The following COL4A3 variants were observed in gnomAD, a reference collection of about 807,000 sequenced individuals.
COL4A3 encodes collagen type IV alpha 3 chain.
A neutral mutation model predicts 217.4 loss-of-function variants in COL4A3; 135 were observed. That is an observed-to-expected ratio of 0.62 (90% CI 0.54 to 0.72). The LOEUF (loss-of-function observed/expected upper bound fraction) is 0.72, where lower values mean the gene tolerates loss of function less well. Ranked by LOEUF, COL4A3 falls within the 30% of genes least tolerant of loss-of-function variation. The pLI, the probability that COL4A3 is intolerant of heterozygous loss-of-function variation, is 0.00. For synonymous variants in COL4A3, 690 were observed against 736.3 expected (o/e 0.94, Z 1.02); for missense variants, 1,868 against 2,119.9 (o/e 0.88, Z 2.33).
At chr2:227,173,691 AAT>A (rs1279261235) in intron 1 of COL4A3, among the ~76,000 whole-genome samples, 1 of 152,230 alleles carries the variant, frequency 6.6e-6, no homozygotes, top group African/African-American at 2.4e-5. Context: ...CACATTAAAA[AAT>A]AGAGATGGAT....
intron 1 of COL4A3, among the ~76,000 whole-genome samples, chr2:227,188,137 C>T (rs554746241): frequency 2.0e-5 from 3 of 152,180 alleles, no homozygotes; most frequent in African/African-American, 7.2e-5. Context: ...GATTGTTCTA[C>T]TCCAGTAGAA....
chr2:227,276,615 C>T, intron 27 of COL4A3, 138 bp downstream of exon 27: 1 of 721,630 alleles, frequency 1.4e-6, no homozygotes, highest in South Asian at 1.5e-5. Flanking sequence ...CAGTGTCTTA[C>T]CTGATAAGCA....
intron 18 of COL4A3, among the ~76,000 whole-genome samples, chr2:227,258,732 A>C (rs566387580): frequency 6.4e-4 from 97 of 152,296 alleles, no homozygotes; most frequent in African/African-American, 2.2e-3. Context: ...TAACACCTGA[A>C]TTTTGGAGGG....
At chr2:227,181,673 A>G (rs1031759457) in intron 1 of COL4A3, among the ~76,000 whole-genome samples, 1 of 152,204 alleles carries the variant, frequency 6.6e-6, no homozygotes, top group Non-Finnish European at 1.5e-5. Flanking sequence ...CTTTTTTGAC[A>G]TTATATTGTA....
intron 2 of COL4A3, among the ~76,000 whole-genome samples, chr2:227,239,129 C>T (rs1574655895): frequency 6.6e-6 from 1 of 152,126 alleles, no homozygotes; most frequent in East Asian, 1.9e-4. Context: ...AGAGTACAGT[C>T]GGCCCTCCTT....
chr2:227,225,428 C>T (rs10164922), intron 1 of COL4A3, among the ~76,000 whole-genome samples: 12 of 152,172 alleles, frequency 7.9e-5, no homozygotes, highest in Admixed American at 7.2e-4. Flanking sequence ...AGTTCCCAGG[C>T]GGATTTTTAA....
At chr2:227,226,475 G>GCTT (rs2068097461) in intron 1 of COL4A3, among the ~76,000 whole-genome samples, 1 of 144,100 alleles carries the variant, frequency 6.9e-6, no homozygotes, top group Non-Finnish European at 1.5e-5. Flanking sequence ...TGTTAGGTTT[G>GCTT]TTTTTTTTTT....
At chr2:227,208,198 C>T (rs1183758657) in intron 1 of COL4A3, among the ~76,000 whole-genome samples, 2 of 152,200 alleles carry the variant, frequency 1.3e-5, no homozygotes, top group African/African-American at 4.8e-5. Flanking sequence ...GACTCTGAAA[C>T]AAAATTGATA....
intron 1 of COL4A3, among the ~76,000 whole-genome samples, chr2:227,193,336 T>C (rs575402732): frequency 2.6e-5 from 4 of 152,358 alleles, no homozygotes; most frequent in South Asian, 2.1e-4. Context: ...TTAAATCTTT[T>C]TCCTAAATAA....
chr2:227,282,457 C>G lies in COL4A3; in HGVS notation c.2581C>G (p.Pro861Ala), dbSNP rs1305817169. 1 of 1,613,596 alleles carries G rather than the reference C, an allele frequency of 6.2e-7. No homozygotes were observed. Among genetic ancestry groups the G allele is most frequent in the East Asian group, 2.2e-5 (1 of 44,874 alleles). Reference protein sequence around the residue: ...FPGETGSPGIPGHQGEMGPLG... With the variant: ...FPGETGSPGIAGHQGEMGPLG... Reference sequence around the variant, plus strand: ...TGGAGAAACTGGATCACCAGGAATTCCAGGTCATCAAGGTGAAATGGGACC... The same window carrying G: ...TGGAGAAACTGGATCACCAGGAATTGCAGGTCATCAAGGTGAAATGGGACC... Residue 861 changes from proline (P) to alanine (A), a missense_variant, in exon 32 of 52, where the codon CCA becomes GCA. This residue lies in a region of COL4A3 where 1,503 missense variants were observed against 1,786.1 expected (regional missense o/e 0.84). Transcript: ENST00000396578. This position sits in a 1 kb window ranked among gnomAD's most constrained non-coding sequence, Gnocchi z 4.4.
chr2:227,186,499 G>A (rs2066038675), intron 1 of COL4A3, among the ~76,000 whole-genome samples: 1 of 152,176 alleles, frequency 6.6e-6, no homozygotes, highest in South Asian at 2.1e-4. Flanking sequence ...CAGCACAAAA[G>A]GAGTTTGAAT....
intron 51 of COL4A3, among the ~76,000 whole-genome samples, 199 bp downstream of exon 51, chr2:227,311,147 G>A (rs1055756843): frequency 2.0e-5 from 3 of 152,046 alleles, no homozygotes; most frequent in East Asian, 1.9e-4. Context: ...ATCACAAAAC[G>A]ATCTCTCATC....
chr2:227,287,937 T>A (rs1274759516), intron 34 of COL4A3, among the ~76,000 whole-genome samples: 2 of 152,196 alleles, frequency 1.3e-5, no homozygotes, highest in African/African-American at 2.4e-5. Flanking sequence ...AGATGCTCCA[T>A]CCATATGTGA....
In COL4A3 at chr2:227,202,802, A is replaced by C. The variant is rs1395711023; in HGVS notation, c.88-35166A>C. On this transcript the variant is annotated intron_variant, in intron 1 of 51. Coordinates refer to ENST00000396578, the MANE Select transcript of COL4A3 (RefSeq NM_000091.5). ...TATATATACACATGTGTATATATATAATATGTGTATATATACATATATGTG... is the reference window on the plus strand; with the variant it reads ...TATATATACACATGTGTATATATATCATATGTGTATATATACATATATGTG... 1.1e-3 allele frequency among the ~76,000 whole-genome samples: 116 copies of C among 107,220 alleles called. 9 individuals carry two copies. The highest frequency in any genetic ancestry group is 2.3e-3 in the Admixed American group (22 of 9,398). 70.3% of individuals were successfully genotyped at this position (107,220 alleles called of 152,430 possible).
intron 1 of COL4A3, among the ~76,000 whole-genome samples, chr2:227,225,709 CTT>C (rs71829862): frequency 0.083 from 10,437 of 126,206 alleles, 401 homozygotes; most frequent in African/African-American, 0.17. Context: ...CTTTTTCTTT[CTT>C]TTTTTTTTTT....
At chr2:227,202,690 G>A (rs1449819211) in intron 1 of COL4A3, among the ~76,000 whole-genome samples, 2 of 147,694 alleles carry the variant, frequency 1.4e-5, no homozygotes, top group Non-Finnish European at 3.0e-5. Flanking sequence ...AGCCGAGATA[G>A]CGCCACTGCA....
intron 1 of COL4A3, among the ~76,000 whole-genome samples, chr2:227,224,162 A>G (rs1181978435): frequency 2.0e-5 from 3 of 152,206 alleles, no homozygotes; most frequent in Non-Finnish European, 4.4e-5. Context: ...ACCTTGGAGT[A>G]ATGACTATGA....
intron 1 of COL4A3, among the ~76,000 whole-genome samples, chr2:227,220,009 A>G (rs2067698290): frequency 6.6e-6 from 1 of 151,736 alleles, no homozygotes; most frequent in African/African-American, 2.4e-5. Flanking sequence ...TGGGGCCTGC[A>G]TTTTCTTGGT....
intron 15 of COL4A3, among the ~76,000 whole-genome samples, chr2:227,255,712 T>A (rs114708905): frequency 1.3e-5 from 2 of 152,086 alleles, no homozygotes; most frequent in African/African-American, 4.8e-5. Context: ...AGTGTGTGTG[T>A]GTTTTTTTTT....
Sources: allele counts gnomAD v4.1 joint callset (sites outside exome capture counted in the v4.1 genomes callset), GRCh38; gene constraint gnomAD v4.1.1; regional missense constraint gnomAD v4.1.1; non-coding constraint Gnocchi (gnomAD v3.1); transcripts MANE v1.5; gene names NCBI Gene and HGNC (gene_info 2026-07-23, HGNC 2026-07-21).